The following LRRC71 variants were observed in gnomAD, a reference collection of about 807,000 sequenced individuals.
LRRC71 encodes the protein leucine-rich repeat-containing protein 71.
LRRC71 carries 54 observed loss-of-function variants against 66.6 expected under a neutral mutation model. The observed-to-expected ratio is 0.81, with a 90% CI of 0.65 to 1.02. The LOEUF is 1.02. Ranked by LOEUF, LRRC71 falls within the 50% of genes least tolerant of loss-of-function variation. The pLI is 0.00. For missense variants in LRRC71, 724 were observed against 718.0 expected, an observed-to-expected ratio of 1.01 and a Z score of -0.10; for synonymous variants, 323 against 303.9, an observed-to-expected ratio of 1.06 and a Z score of -0.65.
the LRRC71 span, chr1:156,938,298 C>T: frequency 1.1e-6 from 1 of 884,028 alleles, no homozygotes; most frequent in Non-Finnish European, 1.7e-6. Flanking sequence ...CCTCCCCATT[C>T]CAGGCAGCTG....
At chr1:156,937,205 G>T, downstream of LRRC71, 1 of 1,611,808 alleles carries the variant, frequency 6.2e-7, no homozygotes, top group South Asian at 1.1e-5. Context: ...GTTTTGGGGT[G>T]ATGGACTGAA....
chr1:156,930,096 TC>T lies in LRRC71; in HGVS notation c.1240+368del, dbSNP rs1557793326. On this transcript the variant is annotated intron_variant, in intron 11 of 14. Transcript: ENST00000337428. Reference sequence around the variant, plus strand: ...TCTTTCTTTTCTTTCTTTCTTTCTCTCTCTTTTTTTTTTTTTGATGGATTCT... The same window carrying T: ...TCTTTCTTTTCTTTCTTTCTTTCTCTTCTTTTTTTTTTTTTGATGGATTCT... Among the ~76,000 whole-genome samples, 22 of 63,300 alleles carry T rather than the reference TC, an allele frequency of 3.5e-4. No homozygotes were observed. The East Asian group carries it at 9.0e-3, about 26-fold the overall frequency. The allele number at this position is 63,300 out of a possible 152,430, so 41.5% of individuals were successfully genotyped here.
intron 14 of LRRC71, 118 bp downstream of exon 14, chr1:156,932,663 C>T (rs779798878): frequency 1.8e-4 from 295 of 1,605,512 alleles, no homozygotes; most frequent in Non-Finnish European, 2.5e-4. Context: ...TGTAGTTTCT[C>T]TGCTTCTTTT....
intron 9 of LRRC71, among the ~76,000 whole-genome samples, chr1:156,928,411 T>TTCTTCTTCTTCTTCTTCTTCTTCC (rs1653667357): frequency 1.6e-5 from 2 of 122,370 alleles, no homozygotes. Context: ...CTTCTTCCTC[T>TTCTTCTTCTTCTTCTTCTTCTTCC]TATTCCTCCT....
intron 9 of LRRC71, among the ~76,000 whole-genome samples, chr1:156,928,370 T>C (rs992205836): frequency 1.0e-5 from 1 of 95,248 alleles, no homozygotes; most frequent in African/African-American, 4.2e-5. Context: ...TTCCTCTTCT[T>C]CTTCTTCTTC....
chr1:156,932,799 A>T, intron 14 of LRRC71, 54 bp from the exon 15 acceptor site: 1 of 1,224,002 alleles, frequency 8.2e-7, no homozygotes, highest in Non-Finnish European at 1.1e-6. Flanking sequence ...TTTTTCTGCC[A>T]GAGGACTAAT....
At chr1:156,921,712 AACACACAC>A (rs34547094) in intron 1 of LRRC71, 17,222 of 278,446 alleles carry the variant, frequency 0.062, 1,068 homozygotes, top group Admixed American at 0.15. Flanking sequence ...TTACATTCAA[AACACACAC>A]ACACACACAC....
chr1:156,937,469 G>A, downstream of LRRC71: 1 of 1,533,912 alleles, frequency 6.5e-7, no homozygotes, highest in South Asian at 1.3e-5. Flanking sequence ...CGGGGGTCCT[G>A]ATGGCATGCT....
intron 1 of LRRC71, among the ~76,000 whole-genome samples, chr1:156,921,942 G>A (rs1024783346): frequency 2.0e-5 from 3 of 152,166 alleles, no homozygotes; most frequent in Admixed American, 6.5e-5. Context: ...AAGAGTTGGC[G>A]AAGGACTGGA....
chr1:156,933,262 G>A (rs1180207665), downstream of LRRC71, among the ~76,000 whole-genome samples: 2 of 152,208 alleles, frequency 1.3e-5, no homozygotes, highest in Non-Finnish European at 1.5e-5. Flanking sequence ...TCTGCCTCCT[G>A]GGGGCTAGTT....
In LRRC71 at chr1:156,932,535, T is replaced by G. The variant is rs917972817; in HGVS notation, c.1553T>G (p.Leu518Arg). The change falls in exon 14 of 15, where the codon CTG becomes CGG. Residue 518 changes from leucine (L) to arginine (R), a missense_variant. By Grantham distance (102) the Leu-to-Arg change is moderately radical. Coordinates refer to ENST00000337428, the MANE Select transcript of LRRC71 (RefSeq NM_144702.3). ...AAGGGTCCAGTGGGGCTGCTGTGGC[T>G]GTCCCTGGCTGTGAGTCCCTTTCAC... Reference protein sequence around the residue: ...ASKGPVGLLWLSLAKNCFAPQ... With the variant: ...ASKGPVGLLWRSLAKNCFAPQ... The G allele has an allele frequency of 1.7e-5, 28 of 1,613,838 alleles. No individual in the cohort carries two copies. Among genetic ancestry groups the G allele is most frequent in the Non-Finnish European group, 2.2e-5 (26 of 1,179,860 alleles).
the LRRC71 span, among the ~76,000 whole-genome samples, chr1:156,938,248 T>A: frequency 6.6e-6 from 1 of 152,188 alleles, no homozygotes; most frequent in South Asian, 2.1e-4. Context: ...CAGCCAGCCT[T>A]TAGAACCAGA....
At chr1:156,933,473 G>A (rs1654667953), downstream of LRRC71, among the ~76,000 whole-genome samples, 1 of 152,222 alleles carries the variant, frequency 6.6e-6, no homozygotes, top group African/African-American at 2.4e-5. Flanking sequence ...TCCCCGTCTG[G>A]CTGGCCCAGG....
At position 156,920,998 on chromosome 1, in the gene LRRC71, C is replaced by T; in HGVS notation, c.160+35C>T. ...CGCCGGGGTTTGGGGATCGGGCTTC[C>T]AGGCTGCGTCTTCCCGGGTTCCCAC... is the stretch of plus-strand genomic sequence containing the variant. On this transcript the variant is annotated intron_variant, in intron 1 of 14. Coordinates refer to ENST00000337428, the MANE Select transcript of LRRC71 (RefSeq NM_144702.3). The surrounding 1 kb of genome is among the most constrained non-coding windows in gnomAD (Gnocchi z 4.9). The T allele has an allele frequency of 6.8e-7, 1 of 1,467,020 alleles. No homozygotes were observed. The highest frequency in any genetic ancestry group is 9.1e-7 in the Non-Finnish European group (1 of 1,102,910). The allele number at this position is 1,467,020 out of a possible 1,614,324, so 90.9% of individuals were successfully genotyped here.
In LRRC71 at chr1:156,920,841, G is replaced by A. The variant is rs1652243969; in HGVS notation, c.38G>A (p.Arg13Lys). 6.5e-7 allele frequency: 1 copy of A among 1,536,572 alleles called. No individual in the cohort carries two copies. Among genetic ancestry groups the A allele is most frequent in the South Asian group, 1.2e-5 (1 of 82,184 alleles). ...SEQSAPGASP[R>K]APRPGTQKSS... ...CAGAGCGCGCCGGGGGCCTCACCCA[G>A]GGCCCCGCGTCCGGGGACCCAGAAG... Residue 13 changes from arginine to lysine, a missense_variant, in exon 1 of 15, where the codon AGG becomes AAG. Arg to Lys is a conservative substitution (Grantham distance 26, BLOSUM62 2). Transcript: ENST00000337428. This position sits in a 1 kb window ranked among gnomAD's most constrained non-coding sequence, Gnocchi z 4.9.
At chr1:156,937,343 C>T (rs753218306), downstream of LRRC71, 16 of 1,612,860 alleles carry the variant, frequency 9.9e-6, no homozygotes, top group Admixed American at 1.7e-5. Flanking sequence ...GCGGCTGGGG[C>T]GTCTTGGATC....
At chr1:156,926,565 C>G (rs1406423635) in intron 5 of LRRC71, among the ~76,000 whole-genome samples, 1 of 136,456 alleles carries the variant, frequency 7.3e-6, no homozygotes, top group Non-Finnish European at 1.6e-5. Context: ...TCCCTCCACC[C>G]CACCCCCCAC....
chr1:156,932,416 T>C lies in LRRC71; in HGVS notation c.1442-8T>C. Reference sequence around the variant, plus strand: ...GCTAAGAGGCCACCTGTCTGTAACTTCCACCAGGGAACCGCATCACAGAGG... The same window carrying C: ...GCTAAGAGGCCACCTGTCTGTAACTCCCACCAGGGAACCGCATCACAGAGG... On this transcript the variant is annotated splice_polypyrimidine_tract_variant and splice_region_variant and intron_variant, in intron 13 of 14. Transcript: ENST00000337428. 6.2e-7 allele frequency: 1 copy of C among 1,611,388 alleles called. No homozygotes were observed. The highest frequency in any genetic ancestry group is 8.5e-7 in the Non-Finnish European group (1 of 1,178,814).
At chr1:156,939,748 C>G in the LRRC71 span, 2 of 1,614,058 alleles carry the variant, frequency 1.2e-6, no homozygotes, top group Non-Finnish European at 1.7e-6. Flanking sequence ...CCCTTCACCC[C>G]CAGGGGGTGC....
Sources: allele counts gnomAD v4.1 joint callset (sites outside exome capture counted in the v4.1 genomes callset), GRCh38; gene constraint gnomAD v4.1.1; non-coding constraint Gnocchi (gnomAD v3.1); transcripts MANE v1.5; gene names NCBI Gene and HGNC (gene_info 2026-07-23, HGNC 2026-07-21).